Variants in ADAMTSL1 observed in about 807,000 individuals in gnomAD.
ADAMTSL1 encodes the protein ADAMTS like 1.
Under a neutral mutation model 201.8 loss-of-function variants are expected in ADAMTSL1, and 126 were observed. That is an observed-to-expected ratio of 0.62 (90% CI 0.54 to 0.72). The LOEUF is 0.72. Ranked by LOEUF, ADAMTSL1 falls within the 30% of genes least tolerant of loss-of-function variation. ADAMTSL1 has a pLI of 0.00. For synonymous variants in ADAMTSL1, 1,121 were observed against 903.4 expected (o/e 1.24, Z -4.32); for missense variants, 2,679 against 2,277.8 (o/e 1.18, Z -3.59).
intron 19 of ADAMTSL1, among the ~76,000 whole-genome samples, chr9:18,778,681 C>T (rs928385833): frequency 1.3e-5 from 2 of 152,212 alleles, no homozygotes. Context: ...TAGTGACTAT[C>T]TGCCAGGCAA....
At chr9:18,521,768 A>C (rs113648820) in intron 2 of ADAMTSL1, among the ~76,000 whole-genome samples, 1 of 152,346 alleles carries the variant, frequency 6.6e-6, no homozygotes, top group African/African-American at 2.4e-5. Context: ...AATAATAATT[A>C]TTTTAAACAC....
At chr9:18,770,409 G>A (rs747450120) in intron 16 of ADAMTSL1, among the ~76,000 whole-genome samples, 193 bp from the exon 17 acceptor site, 35 of 152,322 alleles carry the variant, frequency 2.3e-4, no homozygotes, top group Non-Finnish European at 4.9e-4. Context: ...ATTAAGAGTG[G>A]AGAGGGTAGA....
intron 1 of ADAMTSL1, among the ~76,000 whole-genome samples, chr9:17,962,719 A>T (rs956962869): frequency 6.6e-6 from 1 of 152,198 alleles, no homozygotes; most frequent in African/African-American, 2.4e-5. Context: ...CTTTAAACTT[A>T]TGATTTCTGA....
intron 2 of ADAMTSL1, among the ~76,000 whole-genome samples, chr9:18,180,174 G>C (rs1828391309): frequency 6.6e-6 from 1 of 152,112 alleles, no homozygotes; most frequent in Admixed American, 6.6e-5. Context: ...TAAAAGGATG[G>C]AGGAAGATCT....
chr9:18,480,120 C>T (rs557104266), intron 1 of ADAMTSL1, among the ~76,000 whole-genome samples: 1 of 152,162 alleles, frequency 6.6e-6, no homozygotes, highest in Non-Finnish European at 1.5e-5. Flanking sequence ...ACGATACTTA[C>T]ATTAGTCACA....
intron 14 of ADAMTSL1, among the ~76,000 whole-genome samples, chr9:18,711,282 C>T (rs1346357363): frequency 6.6e-6 from 1 of 152,320 alleles, no homozygotes; most frequent in Non-Finnish European, 1.5e-5. Context: ...TCTACAGCTC[C>T]CAGCGTGAGC....
chr9:18,457,435 G>T (rs1362332416), intron 2 of ADAMTSL1, among the ~76,000 whole-genome samples: 1 of 152,116 alleles, frequency 6.6e-6, no homozygotes, highest in Admixed American at 6.5e-5. Flanking sequence ...AGGCTCCAGG[G>T]ATCCTCCCAC....
intron 1 of ADAMTSL1, among the ~76,000 whole-genome samples, chr9:17,970,324 C>G (rs531938333): frequency 3.3e-5 from 5 of 152,156 alleles, no homozygotes; most frequent in African/African-American, 1.2e-4. Flanking sequence ...CCTGTTAGCT[C>G]TTACTCAGAA....
At chr9:17,975,214 T>C (rs1320816585) in intron 1 of ADAMTSL1, among the ~76,000 whole-genome samples, 2 of 152,106 alleles carry the variant, frequency 1.3e-5, no homozygotes, top group Non-Finnish European at 2.9e-5. Flanking sequence ...TGGGTCATTT[T>C]TTTTTCTTTG....
chr9:18,238,952 G>A lies in ADAMTSL1; in HGVS notation c.207+74971G>A, dbSNP rs191943344. On this transcript the variant is annotated intron_variant, in intron 2 of 29. Coordinates refer to the ADAMTSL1 transcript ENST00000680146. The stretch of plus-strand genomic sequence containing the variant: ...CAAAGTTAATATCACAATAAAGTGA[G>A]TCACACAATTTTGTGGTTTCCCAGT... Among the ~76,000 whole-genome samples, 6 of 152,286 alleles carry A rather than the reference G, an allele frequency of 3.9e-5. No individual in the cohort carries two copies. In the East Asian group the frequency reaches 1.2e-3, roughly 29 times the overall value.
intron 1 of ADAMTSL1, among the ~76,000 whole-genome samples, chr9:18,002,978 A>G (rs774908681): frequency 6.6e-6 from 1 of 151,984 alleles, no homozygotes; most frequent in Non-Finnish European, 1.5e-5. Flanking sequence ...GTTTACCAAT[A>G]CTCTGAATTG....
chr9:18,445,239 G>GATT (rs1402627957), intron 2 of ADAMTSL1, among the ~76,000 whole-genome samples: 2 of 152,114 alleles, frequency 1.3e-5, no homozygotes, highest in African/African-American at 4.8e-5. Flanking sequence ...TACAGCCTTT[G>GATT]ATTTGAGAGC....
chr9:18,832,218 G>A (rs1825030803), intron 23 of ADAMTSL1, among the ~76,000 whole-genome samples: 1 of 152,132 alleles, frequency 6.6e-6, no homozygotes, highest in Non-Finnish European at 1.5e-5. Flanking sequence ...AACTTCCCCA[G>A]CTAGTACCTC....
Position 17,917,044 on chromosome 9 carries a change from T to G in ADAMTSL1, c.87+10122T>G, listed in dbSNP as rs930625167. On this transcript the variant is annotated intron_variant, in intron 1 of 29. Coordinates refer to the ADAMTSL1 transcript ENST00000680146. ...TTTTTAAATGACATTTTAAAAAATT[T>G]TAGTTTCCAATTCTTTTTTTGTTAG... Among the ~76,000 whole-genome samples, 4 of 152,160 alleles carry G rather than the reference T, an allele frequency of 2.6e-5. No individual in the cohort carries two copies. In the East Asian group the frequency reaches 5.8e-4, roughly 22 times the overall value.
At chr9:18,886,166 G>GTGTGTATATA (rs1554657845) in intron 23 of ADAMTSL1, among the ~76,000 whole-genome samples, 7 of 37,142 alleles carry the variant, frequency 1.9e-4, no homozygotes, top group African/African-American at 1.0e-3. Flanking sequence ...GTGTGTATGT[G>GTGTGTATATA]TATATATATA....
chr9:18,857,087 A>T (rs575540175), intron 23 of ADAMTSL1, among the ~76,000 whole-genome samples: 2 of 152,016 alleles, frequency 1.3e-5, no homozygotes, highest in Non-Finnish European at 2.9e-5. Flanking sequence ...TCTTGGTTTG[A>T]GACACGAGTT....
At chr9:18,682,531 T>C (rs1034633725) in intron 12 of ADAMTSL1, among the ~76,000 whole-genome samples, 1 of 152,166 alleles carries the variant, frequency 6.6e-6, no homozygotes, top group Non-Finnish European at 1.5e-5. Context: ...AACTAAGCAT[T>C]TAGTGAGCCA....
In ADAMTSL1 at chr9:18,777,323, GGCGGCTGGCCCGGAGA is replaced by G; in HGVS notation, c.3097_3112del (p.Gly1033CysfsTer35). 6.2e-7 allele frequency: 1 copy of G among 1,602,286 alleles called. No individual in the cohort carries two copies. The highest frequency in any genetic ancestry group is 8.5e-7 in the Non-Finnish European group (1 of 1,174,644). ...CCTCGTCTCCCGGCTGCTGGAGCAGGGCGGCTGGCCCGGAGAGCTGCTGGCCTCGTGGGAGGCGCAG... is the reference window on the plus strand; with the variant it reads ...CCTCGTCTCCCGGCTGCTGGAGCAGGGCTGCTGGCCTCGTGGGAGGCGCAG... On this transcript the variant is annotated frameshift_variant, in exon 19 of 29. Coordinates refer to ENST00000380548, the MANE Select transcript of ADAMTSL1 (RefSeq NM_001040272.6). LOFTEE classifies it high-confidence loss of function.
At chr9:18,184,680 T>C (rs1828653601) in intron 2 of ADAMTSL1, among the ~76,000 whole-genome samples, 1 of 152,218 alleles carries the variant, frequency 6.6e-6, no homozygotes. Context: ...TCGTCTCATG[T>C]AGAAATGACA....
Sources: allele counts gnomAD v4.1 joint callset (sites outside exome capture counted in the v4.1 genomes callset), GRCh38; gene constraint gnomAD v4.1.1; transcripts MANE v1.5; gene names NCBI Gene and HGNC (gene_info 2026-07-23, HGNC 2026-07-21).